DMD: variants seen among roughly 807,000 people sequenced by gnomAD.
The protein encoded by DMD is mutant dystrophin.
DMD carries 63 observed loss-of-function variants against 330.1 expected under a neutral mutation model. That is an observed-to-expected ratio of 0.19 (90% CI 0.16 to 0.24). DMD has a LOEUF of 0.24. Among genes scored for constraint, DMD ranks in the 10% least tolerant of loss-of-function variants. DMD has a pLI of 1.00. For missense variants in DMD, 3,344 were observed against 2,684.1 expected (o/e 1.25, Z -5.43); for synonymous variants, 1,223 against 959.8 (o/e 1.27, Z -5.07).
chrX:32,774,220 A>T (rs1159168230), intron 7 of DMD, among the ~76,000 whole-genome samples: 1 of 112,131 alleles, frequency 8.9e-6, no homozygotes, highest in African/African-American at 3.2e-5. Flanking sequence ...ATTTTTAATA[A>T]CGTAATCAAC....
chrX:33,014,501 C>A (rs2093761718), intron 2 of DMD, among the ~76,000 whole-genome samples: 2 of 111,512 alleles, frequency 1.8e-5, no homozygotes, highest in African/African-American at 6.5e-5. Flanking sequence ...GAATTTCTCA[C>A]CAGTCAGATT....
chrX:32,813,372 A>G (rs1377185577), intron 6 of DMD, among the ~76,000 whole-genome samples: 1 of 111,528 alleles, frequency 9.0e-6, no homozygotes, highest in Non-Finnish European at 1.9e-5. Context: ...TTTTAATTAA[A>G]TCAACACCAT....
chrX:33,330,099 A>G (rs757223482), intron 1 of DMD, among the ~76,000 whole-genome samples: 137 of 111,134 alleles, frequency 1.2e-3, no homozygotes, highest in African/African-American at 4.2e-3. Flanking sequence ...GCATATCTAT[A>G]TATGTCAGAA....
intron 11 of DMD, among the ~76,000 whole-genome samples, chrX:32,631,569 G>C (rs747276381): frequency 8.9e-6 from 1 of 111,816 alleles, no homozygotes; most frequent in East Asian, 2.8e-4. Context: ...TGGTTCTGCA[G>C]GTTGTCCCTG....
At chrX:32,383,184 C>T (rs948429257) in intron 33 of DMD, among the ~76,000 whole-genome samples, 47 of 110,599 alleles carry the variant, frequency 4.2e-4, no homozygotes, top group African/African-American at 1.5e-3. Flanking sequence ...AAAGGTAAGA[C>T]AAGAAGAAAG....
chrX:31,974,037 A>T (rs1444338721), intron 44 of DMD, among the ~76,000 whole-genome samples: 1 of 112,059 alleles, frequency 8.9e-6, no homozygotes, highest in Non-Finnish European at 1.9e-5. Flanking sequence ...GGTAGATTGG[A>T]TAAAGAAAAT....
chrX:32,404,308 A>G (rs1401191868), intron 30 of DMD, among the ~76,000 whole-genome samples: 1 of 111,733 alleles, frequency 8.9e-6, no homozygotes, highest in Non-Finnish European at 1.9e-5. Flanking sequence ...TCTGGTCTGT[A>G]GTGGACTCTG....
intron 19 of DMD, among the ~76,000 whole-genome samples, chrX:32,491,801 T>A (rs1328042338): frequency 1.8e-5 from 2 of 111,451 alleles, no homozygotes; most frequent in African/African-American, 6.5e-5. Flanking sequence ...AAAACTTAAA[T>A]AAAAACAAAA....
At chrX:33,138,628 T>C (rs2047640918) in intron 1 of DMD, among the ~76,000 whole-genome samples, 1 of 111,877 alleles carries the variant, frequency 8.9e-6, no homozygotes, top group Non-Finnish European at 1.9e-5. Flanking sequence ...GATATTCATC[T>C]ATCTTGATTT....
chrX:32,131,834 G>A (rs2096696594), intron 44 of DMD, among the ~76,000 whole-genome samples: 1 of 112,047 alleles, frequency 8.9e-6, no homozygotes, highest in Admixed American at 9.5e-5. Context: ...CTCTACACTG[G>A]ATGTCAGAAG....
chrX:33,060,730 G>A (rs566181046), intron 1 of DMD, among the ~76,000 whole-genome samples: 8 of 109,031 alleles, frequency 7.3e-5, no homozygotes, highest in Non-Finnish European at 1.3e-4. Context: ...CCAGCTAACC[G>A]GGAGGCTGAA....
intron 18 of DMD, among the ~76,000 whole-genome samples, chrX:32,507,910 C>T: frequency 9.0e-6 from 1 of 110,795 alleles, no homozygotes. Context: ...AATATTAGAA[C>T]CCTGCTCTTC....
At chrX:32,807,122 T>TAAAAAAAAAAAAAAAAA (rs999286386) in intron 7 of DMD, among the ~76,000 whole-genome samples, 2 of 20,741 alleles carry the variant, frequency 9.6e-5, no homozygotes, top group African/African-American at 4.4e-4. Flanking sequence ...CGGAAACATT[T>TAAAAAAAAAAAAAAAAA]AAAAAAAAAA....
intron 7 of DMD, among the ~76,000 whole-genome samples, chrX:32,736,657 A>C (rs1330779493): frequency 3.7e-5 from 4 of 108,756 alleles, no homozygotes; most frequent in Non-Finnish European, 7.6e-5. Context: ...TCAGTAAACT[A>C]TCGCAAGAAC....
chrX:31,955,643 C>T (rs1254245687), intron 45 of DMD, among the ~76,000 whole-genome samples: 1 of 112,131 alleles, frequency 8.9e-6, no homozygotes, highest in Non-Finnish European at 1.9e-5. Flanking sequence ...TATCAAAGTC[C>T]TGTTCATAGA....
intron 62 of DMD, among the ~76,000 whole-genome samples, chrX:31,269,967 T>A (rs188608293): frequency 6.3e-5 from 7 of 111,591 alleles, no homozygotes; most frequent in Non-Finnish European, 1.3e-4. Flanking sequence ...GAGGCAGTGA[T>A]GAAAGGCCTA....
At chrX:32,860,585 T>TG (rs2082002982) in intron 2 of DMD, among the ~76,000 whole-genome samples, 1 of 111,633 alleles carries the variant, frequency 9.0e-6, no homozygotes, top group South Asian at 3.7e-4. Context: ...GTTGATTTTT[T>TG]TTTTGTTTTC....
chrX:33,052,408 A>G (rs1014794003), intron 1 of DMD, among the ~76,000 whole-genome samples: 2 of 112,152 alleles, frequency 1.8e-5, no homozygotes, highest in African/African-American at 6.5e-5. Flanking sequence ...TGCCAAGCTC[A>G]GTGTTTCTCA....
intron 47 of DMD, among the ~76,000 whole-genome samples, chrX:31,903,155 A>C (rs12006606): frequency 0.22 from 24,069 of 111,428 alleles, 3,002 homozygotes; most frequent in African/African-American, 0.48. Context: ...TCTTTAACTT[A>C]AATAGCCAAA....
Sources: allele counts gnomAD v4.1 joint callset (sites outside exome capture counted in the v4.1 genomes callset), GRCh38; gene constraint gnomAD v4.1.1; transcripts MANE v1.5; gene names NCBI Gene and HGNC (gene_info 2026-07-23, HGNC 2026-07-21).